The following TMEM163 variants were observed in gnomAD, a reference collection of about 807,000 sequenced individuals.
The protein encoded by TMEM163 is transmembrane protein 163.
In TMEM163, 17 loss-of-function variants were observed where a neutral mutation model predicts 29.3. The observed-to-expected ratio is 0.58, with a 90% CI of 0.40 to 0.87. The LOEUF is 0.87. Ranked by LOEUF, TMEM163 falls within the 40% of genes least tolerant of loss-of-function variation. The pLI is 0.00. For synonymous variants in TMEM163, 157 were observed against 160.6 expected, an observed-to-expected ratio of 0.98 and a Z score of 0.17; for missense variants, 303 against 381.5, an observed-to-expected ratio of 0.79 and a Z score of 1.71.
chr2:134,575,500 G>A (rs1681532095), intron 2 of TMEM163, among the ~76,000 whole-genome samples: 1 of 152,198 alleles, frequency 6.6e-6, no homozygotes, highest in Non-Finnish European at 1.5e-5. Flanking sequence ...TTAGGTCACA[G>A]TTTGGTAGAG....
At chr2:134,686,029 G>A (rs147731745) in intron 2 of TMEM163, among the ~76,000 whole-genome samples, 2 of 152,328 alleles carry the variant, frequency 1.3e-5, no homozygotes, top group African/African-American at 4.8e-5. Context: ...TCCTGTCACA[G>A]AAATGGCTGC....
chr2:134,576,427 C>A (rs1049898323), intron 2 of TMEM163, among the ~76,000 whole-genome samples: 2 of 152,114 alleles, frequency 1.3e-5, no homozygotes, highest in African/African-American at 4.8e-5. Flanking sequence ...CTCATATAGA[C>A]CTAATTTTAG....
chr2:134,507,428 C>T (rs1679849418), intron 4 of TMEM163, among the ~76,000 whole-genome samples: 2 of 152,280 alleles, frequency 1.3e-5, no homozygotes, highest in Middle Eastern at 3.4e-3. Context: ...CAGCAGCACC[C>T]GCGTCACATA....
In TMEM163 at chr2:134,564,704, C is replaced by T. The variant is rs554157768; in HGVS notation, c.323-12613G>A. Among the ~76,000 whole-genome samples the T allele has an allele frequency of 7.2e-5, 11 of 152,238 alleles. 1 individual carries two copies. Among genetic ancestry groups the T allele is most frequent in the African/African-American group, 2.6e-4 (11 of 41,532 alleles). On this transcript the variant is annotated intron_variant, in intron 2 of 7. Coordinates refer to ENST00000281924, the MANE Select transcript of TMEM163 (RefSeq NM_030923.5). ...GAAAATGGGTGAAAGACTTAACAAG[C>T]TTCATGAAAGATGATACACAAATGA...
intron 2 of TMEM163, among the ~76,000 whole-genome samples, chr2:134,552,699 T>C (rs561637011): frequency 1.4e-5 from 2 of 147,142 alleles, no homozygotes; most frequent in East Asian, 4.0e-4. Context: ...TCTTGCTGTG[T>C]CACTCAGGCT....
chr2:134,538,970 G>A (rs550811667), intron 4 of TMEM163, among the ~76,000 whole-genome samples: 27 of 152,220 alleles, frequency 1.8e-4, no homozygotes, highest in African/African-American at 5.3e-4. Flanking sequence ...CTTTAATGGG[G>A]TGACAGTATG....
intron 4 of TMEM163, among the ~76,000 whole-genome samples, chr2:134,543,942 C>T (rs547938630): frequency 7.9e-5 from 12 of 152,282 alleles, no homozygotes; most frequent in African/African-American, 2.9e-4. Flanking sequence ...AACCACCTCT[C>T]GGGCTGCATT....
chr2:134,533,727 C>T (rs1680466781), intron 4 of TMEM163, among the ~76,000 whole-genome samples: 1 of 152,120 alleles, frequency 6.6e-6, no homozygotes, highest in Non-Finnish European at 1.5e-5. Flanking sequence ...CCTACTGCTC[C>T]TATAATCAAA....
intron 5 of TMEM163, among the ~76,000 whole-genome samples, chr2:134,498,402 G>A (rs1434006444): frequency 2.1e-5 from 3 of 141,600 alleles, no homozygotes; most frequent in African/African-American, 7.9e-5. Flanking sequence ...CTGTCGCCCA[G>A]GCTGGAGTGC....
chr2:134,632,909 A>ATTTTTTTTTTT (rs57488299), intron 2 of TMEM163, among the ~76,000 whole-genome samples: 35 of 118,628 alleles, frequency 3.0e-4, no homozygotes, highest in African/African-American at 8.5e-4. Context: ...CACCCAGCTA[A>ATTTTTTTTTTT]TTTTTTTTTT....
chr2:134,713,947 T>G (rs1196024257), intron 1 of TMEM163, among the ~76,000 whole-genome samples: 1 of 152,218 alleles, frequency 6.6e-6, no homozygotes, highest in Admixed American at 6.5e-5. Flanking sequence ...ATACACATCC[T>G]TTTTAGCAAG....
At chr2:134,488,021 C>A (rs1348829700) in intron 5 of TMEM163, among the ~76,000 whole-genome samples, 1 of 151,030 alleles carries the variant, frequency 6.6e-6, no homozygotes, top group East Asian at 1.9e-4. Flanking sequence ...AAAAAAAAGA[C>A]TGATAAATTT....
chr2:134,529,837 T>TA (rs1456167001), intron 4 of TMEM163, among the ~76,000 whole-genome samples: 3 of 152,016 alleles, frequency 2.0e-5, no homozygotes, highest in African/African-American at 7.3e-5. Flanking sequence ...TTATTTAGAC[T>TA]ATATGTATTT....
At chr2:134,695,124 T>C (rs1416494898) in intron 2 of TMEM163, among the ~76,000 whole-genome samples, 2 of 152,178 alleles carry the variant, frequency 1.3e-5, no homozygotes, top group African/African-American at 4.8e-5. Context: ...TCACCCAGGC[T>C]AGAGTGCAGT....
At chr2:134,557,847 T>C (rs897488777) in intron 2 of TMEM163, among the ~76,000 whole-genome samples, 3 of 152,194 alleles carry the variant, frequency 2.0e-5, no homozygotes, top group Admixed American at 1.3e-4. Flanking sequence ...TCAATCTTTG[T>C]AGCTATCTTA....
At chr2:134,660,641 C>T (rs1250486946) in intron 2 of TMEM163, among the ~76,000 whole-genome samples, 2 of 152,142 alleles carry the variant, frequency 1.3e-5, no homozygotes, top group Admixed American at 6.5e-5. Flanking sequence ...CACTGGTAAC[C>T]CATGGCCAGC....
intron 4 of TMEM163, among the ~76,000 whole-genome samples, chr2:134,519,483 G>A (rs1446106811): frequency 3.3e-5 from 5 of 152,164 alleles, no homozygotes; most frequent in South Asian, 2.1e-4. Flanking sequence ...AGGCCGAGGC[G>A]GGCAGATCAT....
At chr2:134,667,657 T>TTA in intron 2 of TMEM163, among the ~76,000 whole-genome samples, 1 of 152,250 alleles carries the variant, frequency 6.6e-6, no homozygotes, top group African/African-American at 2.4e-5. Context: ...AATTCATATA[T>TTA]GTAACCGCTT....
intron 6 of TMEM163, among the ~76,000 whole-genome samples, chr2:134,461,809 CAG>C (rs895655877): frequency 6.6e-6 from 1 of 152,220 alleles, no homozygotes; most frequent in African/African-American, 2.4e-5. Context: ...ACCCAGTTGA[CAG>C]GGGAAGCCGG....
Sources: allele counts gnomAD v4.1 joint callset (sites outside exome capture counted in the v4.1 genomes callset), GRCh38; gene constraint gnomAD v4.1.1; transcripts MANE v1.5; gene names NCBI Gene and HGNC (gene_info 2026-07-23, HGNC 2026-07-21).